CCBE1: variants seen among roughly 807,000 people sequenced by gnomAD.
CCBE1 encodes collagen and calcium-binding EGF domain-containing protein 1.
A neutral mutation model predicts 50.0 loss-of-function variants in CCBE1; 37 were observed. The ratio of observed to expected loss-of-function variants is 0.74; its 90% CI spans 0.57 to 0.97. CCBE1 has a LOEUF of 0.97. CCBE1 is among the 50% of genes least tolerant of loss of function. The pLI, the probability that CCBE1 is intolerant of heterozygous loss-of-function variation, is 0.00. For missense variants in CCBE1, 538 were observed against 523.8 expected (o/e 1.03, Z -0.26); for synonymous variants, 234 against 203.7 (o/e 1.15, Z -1.27).
intron 2 of CCBE1, among the ~76,000 whole-genome samples, chr18:59,661,863 A>T (rs914157544): frequency 7.9e-5 from 12 of 151,864 alleles, no homozygotes; most frequent in African/African-American, 2.4e-4. Context: ...ACTACTTGGG[A>T]GGCTGAGGCA....
intron 2 of CCBE1, among the ~76,000 whole-genome samples, chr18:59,648,937 A>G (rs1420236444): frequency 6.6e-6 from 1 of 152,180 alleles, no homozygotes; most frequent in Non-Finnish European, 1.5e-5. Flanking sequence ...AGAATCTAAT[A>G]CTAATTGGTG....
At chr18:59,500,196 G>T (rs569609712) in intron 2 of CCBE1, among the ~76,000 whole-genome samples, 1 of 152,308 alleles carries the variant, frequency 6.6e-6, no homozygotes, top group South Asian at 2.1e-4. Context: ...CAGTTGTGTT[G>T]ATATATGCTG....
chr18:59,691,395 AG>A (rs1246120161), intron 2 of CCBE1, among the ~76,000 whole-genome samples: 2 of 54,682 alleles, frequency 3.7e-5, no homozygotes, highest in Non-Finnish European at 1.0e-4. Flanking sequence ...CTTCTTCACA[AG>A]ATTTTTTGTT....
At chr18:59,449,789 G>A (rs1356215236) in intron 6 of CCBE1, among the ~76,000 whole-genome samples, 2 of 152,136 alleles carry the variant, frequency 1.3e-5, no homozygotes, top group Non-Finnish European at 2.9e-5. Context: ...CAGAACCTCA[G>A]GATGAGGCCT....
intron 2 of CCBE1, among the ~76,000 whole-genome samples, chr18:59,613,444 T>C (rs993831094): frequency 2.0e-5 from 3 of 152,242 alleles, no homozygotes; most frequent in African/African-American, 7.2e-5. Flanking sequence ...CTGAAGAATA[T>C]AGTTCAACTT....
rs139798361 is a variant in CCBE1, at chr18:59,448,140, T to C, written c.655-37A>G. On this transcript the variant is annotated intron_variant, in intron 6 of 10. Transcript: ENST00000439986. Reference sequence around the variant, plus strand: ...AGAGGAAGCCTCAGTCAGGAAGCAATGGCAGAAGAGAGCCTCGGCATTTGT... The same window carrying C: ...AGAGGAAGCCTCAGTCAGGAAGCAACGGCAGAAGAGAGCCTCGGCATTTGT... The C allele has an allele frequency of 6.8e-4, 1,090 of 1,612,036 alleles. 4 individuals are homozygous for C. The African/African-American group carries it at 0.013, about 19-fold the overall frequency.
chr18:59,476,876 A>G (rs1912330427), intron 3 of CCBE1, among the ~76,000 whole-genome samples: 1 of 152,216 alleles, frequency 6.6e-6, no homozygotes, highest in African/African-American at 2.4e-5. Flanking sequence ...GGTTTGTCCC[A>G]TAACCAGGAT....
chr18:59,527,401 G>A (rs936619605), intron 2 of CCBE1, among the ~76,000 whole-genome samples: 1 of 152,152 alleles, frequency 6.6e-6, no homozygotes, highest in Non-Finnish European at 1.5e-5. Context: ...TTGCACAGGA[G>A]ATGGATCTCT....
At position 59,588,495 on chromosome 18, in the gene CCBE1, C is replaced by T. The variant is rs150715531; in HGVS notation, c.212+108134G>A. Among the ~76,000 whole-genome samples, 1,350 of 152,264 alleles carry T rather than the reference C, an allele frequency of 8.9e-3. 18 individuals are homozygous for T. The highest frequency in any genetic ancestry group is 0.03 in the African/African-American group (1,258 of 41,558). ...TAACCTCCTAATACTGAACTTTTCC[C>T]ACCAGTGATTAGCTTTGCTTGATTT... is the stretch of plus-strand genomic sequence containing the variant. On this transcript the variant is annotated intron_variant, in intron 2 of 10. Transcript: ENST00000439986.
intron 2 of CCBE1, among the ~76,000 whole-genome samples, chr18:59,693,919 T>C (rs1426971450): frequency 8.2e-6 from 1 of 121,908 alleles, no homozygotes; most frequent in East Asian, 2.9e-4. Flanking sequence ...GTCACCAGAC[T>C]GGAATGCAGT....
At chr18:59,569,209 G>C (rs1256413040) in intron 2 of CCBE1, among the ~76,000 whole-genome samples, 1 of 152,212 alleles carries the variant, frequency 6.6e-6, no homozygotes, top group East Asian at 1.9e-4. Context: ...TAAGGGCTGG[G>C]TTGGCTGTGG....
At position 59,433,061 on chromosome 18, in the gene CCBE1, C is replaced by T. The variant is rs1909997765; in HGVS notation, c.*2847G>A. On this transcript the variant is annotated 3_prime_UTR_variant, in exon 11 of 11. Transcript: ENST00000439986. ...GGGAATCAACAGCTGTTCAGTTCCTCTCTCTATAAACCCGTGGTTGGTGTG... is the reference window on the plus strand; with the variant it reads ...GGGAATCAACAGCTGTTCAGTTCCTTTCTCTATAAACCCGTGGTTGGTGTG... The T allele has an allele frequency of 6.6e-6, 1 of 152,012 alleles. No homozygotes were observed. Among genetic ancestry groups the T allele is most frequent in the Non-Finnish European group, 1.5e-5 (1 of 68,018 alleles). 9.4% of individuals were successfully genotyped at this position (152,012 alleles called of 1,614,324 possible).
At chr18:59,589,840 G>C (rs1361431023) in intron 2 of CCBE1, among the ~76,000 whole-genome samples, 1 of 147,850 alleles carries the variant, frequency 6.8e-6, no homozygotes, top group Non-Finnish European at 1.5e-5. Flanking sequence ...TACACACCTT[G>C]ACCAGCTAGG....
intron 10 of CCBE1, among the ~76,000 whole-genome samples, chr18:59,437,148 TATC>T (rs907798177): frequency 2.0e-4 from 31 of 152,178 alleles, no homozygotes; most frequent in African/African-American, 6.8e-4. Context: ...GAGTATCCTT[TATC>T]ATCATATAGT....
At chr18:59,519,325 G>C (rs960890047) in intron 2 of CCBE1, among the ~76,000 whole-genome samples, 6 of 152,120 alleles carry the variant, frequency 3.9e-5, no homozygotes, top group Non-Finnish European at 8.8e-5. Flanking sequence ...GCAGTGCTAA[G>C]AAGAATAAAA....
intron 2 of CCBE1, among the ~76,000 whole-genome samples, chr18:59,557,746 C>T (rs1180010071): frequency 1.3e-5 from 2 of 152,204 alleles, no homozygotes; most frequent in Non-Finnish European, 2.9e-5. Context: ...AAGCCACTTG[C>T]TTGAGCCTGC....
In CCBE1 at chr18:59,684,310, G is replaced by T. The variant is rs141103069; in HGVS notation, c.212+12319C>A. Among the ~76,000 whole-genome samples, 4 of 152,158 alleles carry T rather than the reference G, an allele frequency of 2.6e-5. No homozygotes were observed. In the East Asian group the frequency reaches 7.7e-4, roughly 29 times the overall value. On this transcript the variant is annotated intron_variant, in intron 2 of 10. Coordinates refer to ENST00000439986, the MANE Select transcript of CCBE1 (RefSeq NM_133459.4). ...CAAAAAATACAAAAATTGGCCTGGC[G>T]TGGTGGCAAGCACCTGTAGTGCCAG...
At chr18:59,513,340 G>A (rs72964112) in intron 2 of CCBE1, among the ~76,000 whole-genome samples, 3,350 of 152,216 alleles carry the variant, frequency 0.022, 143 homozygotes, top group East Asian at 0.2. Context: ...TCAAGAAAGG[G>A]CACAGGTGCA....
chr18:59,448,131 A>G (rs1008796570), intron 6 of CCBE1, 28 bp from the exon 7 acceptor site: 1 of 1,613,360 alleles, frequency 6.2e-7, no homozygotes, highest in Non-Finnish European at 8.5e-7. Flanking sequence ...AGCCTCAGTC[A>G]GGAAGCAATG....
Sources: allele counts gnomAD v4.1 joint callset (sites outside exome capture counted in the v4.1 genomes callset), GRCh38; gene constraint gnomAD v4.1.1; transcripts MANE v1.5; gene names NCBI Gene and HGNC (gene_info 2026-07-23, HGNC 2026-07-21).